DIS3L2: variants seen among roughly 807,000 people sequenced by gnomAD.
DIS3L2 encodes the protein DIS3 like 3'-5' exoribonuclease 2.
Under a neutral mutation model 97.5 loss-of-function variants are expected in DIS3L2, and 34 were observed. The observed-to-expected ratio is 0.35, with a 90% CI of 0.27 to 0.46. DIS3L2 has a LOEUF of 0.46. DIS3L2 is among the 20% of genes least tolerant of loss of function. The pLI, the probability that DIS3L2 is intolerant of heterozygous loss-of-function variation, is 1.00. For missense variants in DIS3L2, 1,038 were observed against 1,146.0 expected, an observed-to-expected ratio of 0.91 and a Z score of 1.36; for synonymous variants, 435 against 445.2, an observed-to-expected ratio of 0.98 and a Z score of 0.29.
rs1035327992 is a variant in DIS3L2, at chr2:232,037,824, A to C, written c.366+7744A>C. Among the ~76,000 whole-genome samples, 2 of 152,118 alleles carry C rather than the reference A, an allele frequency of 1.3e-5. No homozygotes were observed. Among genetic ancestry groups the C allele is most frequent in the East Asian group, 3.9e-4 (2 of 5,186 alleles). The stretch of plus-strand genomic sequence containing the variant: ...ACTCCTTGCACTTCCTGGGTGAGGT[A>C]ACGCCCCACCCTGCTTTGGCTTGCC... On this transcript the variant is annotated intron_variant, in intron 5 of 20. Transcript: ENST00000325385. This position sits in a 1 kb window ranked among gnomAD's most constrained non-coding sequence, Gnocchi z 4.6.
intron 3 of DIS3L2, among the ~76,000 whole-genome samples, chr2:232,021,929 T>C (rs1191168346): frequency 6.6e-6 from 1 of 152,066 alleles, no homozygotes; most frequent in African/African-American, 2.4e-5. Flanking sequence ...CAGGAGCATC[T>C]GGAGAAGAGA....
At chr2:232,149,043 AGTT>A (rs916805563) in intron 8 of DIS3L2, among the ~76,000 whole-genome samples, 4 of 149,482 alleles carry the variant, frequency 2.7e-5, no homozygotes, top group African/African-American at 9.9e-5. Flanking sequence ...CTGTCCAGGC[AGTT>A]GTTTTGTGGA....
At chr2:232,053,762 C>T (rs1404134038) in intron 5 of DIS3L2, among the ~76,000 whole-genome samples, 2 of 152,240 alleles carry the variant, frequency 1.3e-5, no homozygotes, top group African/African-American at 2.4e-5. Context: ...GGAGCTGCCA[C>T]ACCCTCTTGA....
Position 232,336,454 on chromosome 2 carries a change from C to T in DIS3L2, c.2497-15C>T, listed in dbSNP as rs778656004. On this transcript the variant is annotated splice_polypyrimidine_tract_variant and intron_variant, in intron 20 of 20. Coordinates refer to ENST00000325385, the MANE Select transcript of DIS3L2 (RefSeq NM_152383.5). Reference sequence around the variant, plus strand: ...CCCTGCCATCCTTGTCCCCTCACGGCTGGGCTCTGCACAGGTCATCACCAT... The same window carrying T: ...CCCTGCCATCCTTGTCCCCTCACGGTTGGGCTCTGCACAGGTCATCACCAT... The T allele has an allele frequency of 1.5e-4, 239 of 1,605,758 alleles. No individual in the cohort carries two copies. Among genetic ancestry groups the T allele is most frequent in the Non-Finnish European group, 2.0e-4 (231 of 1,177,024 alleles).
chr2:232,323,762 C>T (rs985876156), intron 14 of DIS3L2, among the ~76,000 whole-genome samples: 1 of 152,320 alleles, frequency 6.6e-6, no homozygotes, highest in South Asian at 2.1e-4. Flanking sequence ...CCAGAGGCCA[C>T]GGCACCCTCT....
intron 16 of DIS3L2, 32 bp downstream of exon 16, chr2:232,330,808 T>C: frequency 1.9e-6 from 3 of 1,596,062 alleles, no homozygotes; most frequent in Middle Eastern, 1.7e-4. Context: ...CCTCCCCTGC[T>C]CCCAGGAGCA....
At chr2:231,973,088 A>G (rs1197983638) in intron 1 of DIS3L2, among the ~76,000 whole-genome samples, 2 of 152,238 alleles carry the variant, frequency 1.3e-5, no homozygotes, top group Non-Finnish European at 2.9e-5. Context: ...CAGTTTGCAT[A>G]GAACTGGTAT....
chr2:232,304,492 A>G (rs979968980), intron 14 of DIS3L2, among the ~76,000 whole-genome samples: 3 of 152,196 alleles, frequency 2.0e-5, no homozygotes, highest in Non-Finnish European at 4.4e-5. Flanking sequence ...ATCGAGTGCT[A>G]TGGCAGCAAC....
chr2:232,089,463 A>T (rs1696773848), intron 6 of DIS3L2, among the ~76,000 whole-genome samples: 1 of 152,202 alleles, frequency 6.6e-6, no homozygotes, highest in Non-Finnish European at 1.5e-5. Context: ...ATACTGTGAC[A>T]TTCCTCTTAA....
rs149224434 is a variant in DIS3L2, at chr2:232,311,565, T to C, written c.1739+11446T>C. Among the ~76,000 whole-genome samples, 7 of 152,298 alleles carry C rather than the reference T, an allele frequency of 4.6e-5. No homozygotes were observed. In the East Asian group the frequency reaches 1.4e-3, roughly 29 times the overall value. On this transcript the variant is annotated intron_variant, in intron 14 of 20. Transcript: ENST00000325385. ...AGTGTAACGACAATTAACAAATTTT[T>C]ATTTAAAAATAAATAATAAATAGAA...
chr2:232,156,132 T>C (rs1178650584), intron 8 of DIS3L2, among the ~76,000 whole-genome samples: 3 of 152,222 alleles, frequency 2.0e-5, no homozygotes, highest in Non-Finnish European at 4.4e-5. Context: ...CTTTTTAAAC[T>C]CTACTTGCCC....
Position 232,196,080 on chromosome 2 carries a change from TCTCA to T in DIS3L2, c.1125-14243_1125-14240del, listed in dbSNP as rs1197418660. Among the ~76,000 whole-genome samples, 15 of 152,228 alleles carry T rather than the reference TCTCA, an allele frequency of 9.9e-5. 1 individual carries two copies. The South Asian group carries it at 1.0e-3, about 11-fold the overall frequency. ...TCAGATTCTTTTATTGTCAAACTTTTCTCACTATTAGAATTTTTATAATTATAAA... is the reference window on the plus strand; with the variant it reads ...TCAGATTCTTTTATTGTCAAACTTTTCTATTAGAATTTTTATAATTATAAA... On this transcript the variant is annotated intron_variant, in intron 9 of 20. Transcript: ENST00000325385.
intron 1 of DIS3L2, among the ~76,000 whole-genome samples, chr2:231,968,562 T>TA (rs1455976379): frequency 6.6e-6 from 1 of 152,240 alleles, no homozygotes; most frequent in African/African-American, 2.4e-5. Context: ...TATTGCTGAG[T>TA]AATATTGCAT....
chr2:232,189,369 C>T (rs1381025688), intron 9 of DIS3L2, among the ~76,000 whole-genome samples: 6 of 152,180 alleles, frequency 3.9e-5, no homozygotes, highest in African/African-American at 1.4e-4. Flanking sequence ...GTGGTACATC[C>T]ATATTACTGA....
intron 13 of DIS3L2, among the ~76,000 whole-genome samples, chr2:232,296,575 A>G (rs994700618): frequency 1.3e-5 from 2 of 152,166 alleles, no homozygotes; most frequent in Non-Finnish European, 2.9e-5. Context: ...GTGGTAGTGA[A>G]TAAGCCTCAC....
chr2:232,334,302 A>C, intron 17 of DIS3L2, 67 bp from the exon 18 acceptor site: 1 of 1,543,656 alleles, frequency 6.5e-7, no homozygotes, highest in Non-Finnish European at 8.8e-7. Context: ...CATGCAGCCC[A>C]TCCCCCAGCC....
intron 6 of DIS3L2, among the ~76,000 whole-genome samples, chr2:232,116,592 G>A (rs1697719544): frequency 6.6e-6 from 1 of 152,120 alleles, no homozygotes; most frequent in Non-Finnish European, 1.5e-5. Flanking sequence ...CTGACTAATA[G>A]ACTTGGAGTA....
intron 5 of DIS3L2, among the ~76,000 whole-genome samples, chr2:232,078,005 CT>C (rs1178708123): frequency 8.4e-6 from 1 of 119,068 alleles, no homozygotes; most frequent in Non-Finnish European, 1.8e-5. Flanking sequence ...TTCTTTCTTT[CT>C]TTCTTTCTTT....
intron 1 of DIS3L2, among the ~76,000 whole-genome samples, chr2:231,986,181 T>G (rs1693407754): frequency 6.6e-6 from 1 of 152,192 alleles, no homozygotes; most frequent in Non-Finnish European, 1.5e-5. Context: ...CTTTTGAGGC[T>G]TTTGGACATG....
Sources: allele counts gnomAD v4.1 joint callset (sites outside exome capture counted in the v4.1 genomes callset), GRCh38; gene constraint gnomAD v4.1.1; non-coding constraint Gnocchi (gnomAD v3.1); transcripts MANE v1.5; gene names NCBI Gene and HGNC (gene_info 2026-07-23, HGNC 2026-07-21).